Variants in LINGO2 observed in about 807,000 individuals in gnomAD.
The protein encoded by LINGO2 is leucine rich repeat and Ig domain containing 2, also known as leucine-rich repeat and immunoglobulin-like domain-containing nogo receptor-interacting protein 2.
Under a neutral mutation model 30.6 loss-of-function variants are expected in LINGO2, and 14 were observed. That is an observed-to-expected ratio of 0.46 (90% confidence interval 0.30 to 0.72). The LOEUF (loss-of-function observed/expected upper bound fraction) is 0.72, where lower values mean the gene tolerates loss of function less well. Ranked by LOEUF, LINGO2 falls within the 30% of genes least tolerant of loss-of-function variation. The probability of loss-of-function intolerance (pLI) is 0.07; values close to 1 mark genes in which losing one functional copy is unlikely to be tolerated. For synonymous variants in LINGO2, 317 were observed against 288.5 expected, an observed-to-expected ratio of 1.10 and a Z score of -1.00; for missense variants, 729 against 751.7, an observed-to-expected ratio of 0.97 and a Z score of 0.35.
chr9:28,975,111 G>C, the LINGO2 span, among the ~76,000 whole-genome samples: 1 of 152,024 alleles, frequency 6.6e-6, no homozygotes, highest in Non-Finnish European at 1.5e-5. Flanking sequence ...AAAAAGTACC[G>C]AAGAATCACA....
chr9:28,836,241 A>T, the LINGO2 span, among the ~76,000 whole-genome samples: 1 of 152,194 alleles, frequency 6.6e-6, no homozygotes, highest in Admixed American at 6.5e-5. Flanking sequence ...GTCAAGCTTC[A>T]CTATCTGTCT....
At chr9:28,352,862 T>A (rs1453559523) in intron 3 of LINGO2, among the ~76,000 whole-genome samples, 11 of 149,500 alleles carry the variant, frequency 7.4e-5, no homozygotes, top group Admixed American at 7.3e-4. Flanking sequence ...TCTACAACTA[T>A]CTGATCTTTG....
chr9:28,131,185 T>C (rs1270276816), intron 4 of LINGO2, among the ~76,000 whole-genome samples: 2 of 149,308 alleles, frequency 1.3e-5, no homozygotes, highest in Non-Finnish European at 3.0e-5. Context: ...AAAAAAAACA[T>C]GAGTGATTAG....
chr9:28,107,591 T>C (rs547176497), intron 4 of LINGO2, among the ~76,000 whole-genome samples: 55 of 152,286 alleles, frequency 3.6e-4, no homozygotes, highest in African/African-American at 1.2e-3. Context: ...TTAGTTCCAA[T>C]AGTTGTACAT....
At chr9:28,001,466 A>T (rs1821950118) in intron 5 of LINGO2, among the ~76,000 whole-genome samples, 1 of 152,214 alleles carries the variant, frequency 6.6e-6, no homozygotes, top group South Asian at 2.1e-4. Flanking sequence ...TTCAACTCCC[A>T]GATAAGAAAA....
chr9:28,294,961 C>G (rs1277287848), intron 4 of LINGO2, among the ~76,000 whole-genome samples: 2 of 152,218 alleles, frequency 1.3e-5, no homozygotes, highest in East Asian at 3.9e-4. Context: ...ATAGTATTGG[C>G]CTCTACAGTA....
intron 4 of LINGO2, among the ~76,000 whole-genome samples, chr9:28,057,106 A>T (rs925596567): frequency 2.4e-4 from 37 of 152,140 alleles, no homozygotes; most frequent in South Asian, 1.2e-3. Flanking sequence ...TGTTGCGCTT[A>T]TGAATGAATG....
At chr9:28,131,682 A>T (rs1252081682) in intron 4 of LINGO2, among the ~76,000 whole-genome samples, 1 of 152,132 alleles carries the variant, frequency 6.6e-6, no homozygotes, top group African/African-American at 2.4e-5. Flanking sequence ...AGATGCTTCC[A>T]GGTAGAAGCC....
the LINGO2 span, among the ~76,000 whole-genome samples, chr9:28,714,164 A>AATATATATATAT: frequency 2.7e-3 from 316 of 117,124 alleles, 4 homozygotes; most frequent in South Asian, 4.1e-3. Context: ...TGCCTCAAAT[A>AATATATATATAT]ATATATATAT....
intron 1 of LINGO2, among the ~76,000 whole-genome samples, chr9:28,581,661 T>A (rs1335781768): frequency 6.6e-6 from 1 of 151,796 alleles, no homozygotes; most frequent in Admixed American, 6.6e-5. Flanking sequence ...TTCTTGTGAA[T>A]AGATGCTGAT....
chr9:28,585,725 T>C (rs1485740882), intron 1 of LINGO2, among the ~76,000 whole-genome samples: 1 of 152,070 alleles, frequency 6.6e-6, no homozygotes, highest in Non-Finnish European at 1.5e-5. Context: ...AACCTCGTCG[T>C]AAGTTGAGAA....
chr9:28,831,794 A>G, the LINGO2 span, among the ~76,000 whole-genome samples: 2 of 152,224 alleles, frequency 1.3e-5, no homozygotes, highest in Non-Finnish European at 1.5e-5. Context: ...TCTTCATTAC[A>G]GTGGCTGGAC....
the LINGO2 span, among the ~76,000 whole-genome samples, chr9:28,848,392 T>TATATATATATA: frequency 3.7e-5 from 2 of 53,652 alleles, no homozygotes; most frequent in African/African-American, 1.1e-4. Context: ...TGTGTGTGTG[T>TATATATATATA]GTGTGTATAT....
At chr9:28,286,687 T>A (rs1301537339) in intron 4 of LINGO2, among the ~76,000 whole-genome samples, 1 of 152,216 alleles carries the variant, frequency 6.6e-6, no homozygotes, top group Non-Finnish European at 1.5e-5. Context: ...GAGTCCATTA[T>A]CCTTAGCAAA....
intron 4 of LINGO2, among the ~76,000 whole-genome samples, chr9:28,179,819 T>C (rs1184000409): frequency 6.6e-6 from 1 of 151,466 alleles, no homozygotes; most frequent in East Asian, 1.9e-4. Context: ...TCTCACTTTT[T>C]TCCTCATGAA....
intron 4 of LINGO2, among the ~76,000 whole-genome samples, chr9:28,100,138 A>G (rs1173868089): frequency 1.3e-5 from 2 of 152,188 alleles, no homozygotes; most frequent in African/African-American, 4.8e-5. Context: ...ATTCACTGGT[A>G]TATACTTCAC....
chr9:29,082,581 G>T, the LINGO2 span, among the ~76,000 whole-genome samples: 1,260 of 152,192 alleles, frequency 8.3e-3, 10 homozygotes, highest in African/African-American at 0.028. Flanking sequence ...ATTGAAAAAT[G>T]GGATCTAATT....
intron 4 of LINGO2, among the ~76,000 whole-genome samples, chr9:28,164,715 C>T (rs1481735842): frequency 3.3e-5 from 5 of 152,070 alleles, no homozygotes; most frequent in Non-Finnish European, 7.4e-5. Flanking sequence ...TTGAGCTGGC[C>T]GGTTCACCCC....
At chr9:28,778,394 A>G in the LINGO2 span, among the ~76,000 whole-genome samples, 1 of 152,162 alleles carries the variant, frequency 6.6e-6, no homozygotes, top group Non-Finnish European at 1.5e-5. Context: ...GTGGTCAAGG[A>G]AACAAGGGAG....
Sources: gnomAD v4.1 joint callset for allele counts (sites outside exome capture counted in the v4.1 genomes callset) on GRCh38, gnomAD v4.1.1 for gene constraint, MANE v1.5 for transcripts, NCBI Gene and HGNC (gene_info 2026-07-23, HGNC 2026-07-21) for gene names.